Variants in PCDHGB1 observed in about 807,000 individuals in gnomAD.
PCDHGB1 encodes the protein protocadherin gamma-B1.
In PCDHGB1, 34 loss-of-function variants were observed where a neutral mutation model predicts 56.6. The ratio of observed to expected loss-of-function variants is 0.60; its 90% CI spans 0.46 to 0.80. The LOEUF is 0.80. PCDHGB1 is among the 30% of genes least tolerant of loss of function. The pLI is 0.00. For missense variants in PCDHGB1, 1,278 were observed against 1,204.6 expected, an observed-to-expected ratio of 1.06 and a Z score of -0.90; for synonymous variants, 561 against 505.9, an observed-to-expected ratio of 1.11 and a Z score of -1.46.
chr5:141,408,263 C>G, intron 1 of PCDHGB1: 1 of 1,606,854 alleles, frequency 6.2e-7, no homozygotes. Flanking sequence ...ATTTCCTTTG[C>G]TGCTGCCTTT....
intron 1 of PCDHGB1, chr5:141,403,870 T>A: frequency 6.2e-7 from 1 of 1,613,498 alleles, no homozygotes; most frequent in African/African-American, 1.3e-5. Flanking sequence ...CAGCAAAAAG[T>A]CTAGATTATG....
Position 141,432,979 on chromosome 5 carries a change from TGTGGGC to T in PCDHGB1, c.2410-61823_2410-61818del. 1 of 1,614,228 alleles carries T rather than the reference TGTGGGC, an allele frequency of 6.2e-7. No individual in the cohort carries two copies. On this transcript the variant is annotated intron_variant, in intron 1 of 3. Coordinates refer to ENST00000523390, the MANE Select transcript of PCDHGB1 (RefSeq NM_018922.3). The surrounding 1 kb of genome is among the most constrained non-coding windows in gnomAD (Gnocchi z 6.0). ...TGACAGGAGCGCCGGCGTCGCACTTTGTGGGCGTGGACGGGGTGCAGGCTTTCCTGC... is the reference window on the plus strand; with the variant it reads ...TGACAGGAGCGCCGGCGTCGCACTTTGTGGACGGGGTGCAGGCTTTCCTGC...
intron 1 of PCDHGB1, chr5:141,393,194 C>G (rs770162660): frequency 6.2e-7 from 1 of 1,613,362 alleles, no homozygotes. Flanking sequence ...TTGATATTAA[C>G]GATAATAACC....
chr5:141,406,253 C>CA (rs2094783585), intron 1 of PCDHGB1, among the ~76,000 whole-genome samples: 1 of 151,976 alleles, frequency 6.6e-6, no homozygotes, highest in Admixed American at 6.6e-5. Flanking sequence ...AGACTGGTCT[C>CA]AAACGATCTT....
chr5:141,400,254 G>C, intron 1 of PCDHGB1: 1 of 1,613,980 alleles, frequency 6.2e-7, no homozygotes. Flanking sequence ...CCGTTGCCTT[G>C]CGCCTGCGAC....
chr5:141,494,153 G>T (rs2099752286), intron 1 of PCDHGB1, among the ~76,000 whole-genome samples: 1 of 152,186 alleles, frequency 6.6e-6, no homozygotes, highest in Non-Finnish European at 1.5e-5. Flanking sequence ...CCATTGTCTG[G>T]CACGGAGTTC....
Position 141,476,752 on chromosome 5 carries a change from A to T in PCDHGB1, c.2410-18055A>T, listed in dbSNP as rs771355583. On this transcript the variant is annotated intron_variant, in intron 1 of 3. Coordinates refer to ENST00000523390, the MANE Select transcript of PCDHGB1 (RefSeq NM_018922.3). This position sits in a 1 kb window ranked among gnomAD's most constrained non-coding sequence, Gnocchi z 7.6. ...GAGAACGGGAGCCTAGTCTCCAGTTAGTGCTGACGGCGTTGGACGGAGGGA... is the reference window on the plus strand; with the variant it reads ...GAGAACGGGAGCCTAGTCTCCAGTTTGTGCTGACGGCGTTGGACGGAGGGA... 1.2e-6 allele frequency: 2 copies of T among 1,613,926 alleles called. No individual in the cohort carries two copies. Among genetic ancestry groups the T allele is most frequent in the South Asian group, 2.2e-5 (2 of 91,080 alleles).
chr5:141,463,359 T>C (rs2099057442), intron 1 of PCDHGB1, among the ~76,000 whole-genome samples: 2 of 151,672 alleles, frequency 1.3e-5, no homozygotes, highest in Admixed American at 6.6e-5. Flanking sequence ...GGATTTCCCC[T>C]TTCCTGCCCC....
In PCDHGB1 at chr5:141,476,575, C is replaced by A; in HGVS notation, c.2410-18232C>A. 6 of 1,614,232 alleles carry A rather than the reference C, an allele frequency of 3.7e-6. No homozygotes were observed. The highest frequency in any genetic ancestry group is 5.1e-6 in the Non-Finnish European group (6 of 1,180,042). The stretch of plus-strand genomic sequence containing the variant: ...GCGAGGCCGTGGCTCCGGGGACGCG[C>A]TTTCCGCTCGAGAGCGCGCACGATC... On this transcript the variant is annotated intron_variant, in intron 1 of 3. Transcript: ENST00000523390. This position sits in a 1 kb window ranked among gnomAD's most constrained non-coding sequence, Gnocchi z 7.6.
Position 141,351,075 on chromosome 5 carries a change from CAGAGAT to C in PCDHGB1, c.816_821del (p.Glu273_Ile274del), listed in dbSNP as rs1561499274. The C allele has an allele frequency of 7.4e-6, 12 of 1,614,032 alleles. No individual in the cohort carries two copies. The highest frequency in any genetic ancestry group is 9.3e-6 in the Non-Finnish European group (11 of 1,179,874). On this transcript the variant is annotated inframe_deletion, in exon 1 of 4. Coordinates refer to ENST00000523390, the MANE Select transcript of PCDHGB1 (RefSeq NM_018922.3). ...ACAGACCAGGATGAGGGCATTAATG[CAGAGAT>C]CACCTATGCCTTCCTCAATTCCCCA...
Position 141,490,202 on chromosome 5 carries a change from G to A in PCDHGB1, c.2410-4605G>A, listed in dbSNP as rs1594889134. On this transcript the variant is annotated intron_variant, in intron 1 of 3. Coordinates refer to ENST00000523390, the MANE Select transcript of PCDHGB1 (RefSeq NM_018922.3). The surrounding 1 kb of genome is among the most constrained non-coding windows in gnomAD (Gnocchi z 5.4). ...TCACGTTTCTATGAAATTCATGCAA[G>A]AGCCCGTGACCAGGGACAGCCTGCC... 1.2e-6 allele frequency: 2 copies of A among 1,614,220 alleles called. No homozygotes were observed. The highest frequency in any genetic ancestry group is 2.7e-5 in the African/African-American group (2 of 75,060).
At chr5:141,370,392 G>C (rs773955179) in intron 1 of PCDHGB1, 2 of 1,544,790 alleles carry the variant, frequency 1.3e-6, no homozygotes, top group Non-Finnish European at 1.7e-6. Flanking sequence ...CGCAGAGAGC[G>C]GGATGGGAAA....
chr5:141,390,388 G>C, intron 1 of PCDHGB1: 1 of 1,423,474 alleles, frequency 7.0e-7, no homozygotes, highest in Admixed American at 2.1e-5. Context: ...TAGATGTCAT[G>C]GATCATTTTA....
chr5:141,361,309 T>A (rs754447823), intron 1 of PCDHGB1: 4 of 1,613,964 alleles, frequency 2.5e-6, no homozygotes, highest in South Asian at 2.2e-5. Context: ...AAATGCCAAG[T>A]TTATTTTGAA....
intron 1 of PCDHGB1, among the ~76,000 whole-genome samples, chr5:141,357,979 C>G (rs554928624): frequency 2.0e-5 from 3 of 152,236 alleles, no homozygotes; most frequent in African/African-American, 7.2e-5. Flanking sequence ...TGCCTGAGCT[C>G]AGGAGTTCGA....
chr5:141,486,278 G>A lies in PCDHGB1; in HGVS notation c.2410-8529G>A. The A allele has an allele frequency of 1.2e-6, 2 of 1,614,088 alleles. No individual in the cohort carries two copies. Among genetic ancestry groups the A allele is most frequent in the South Asian group, 2.2e-5 (2 of 91,068 alleles). On this transcript the variant is annotated intron_variant, in intron 1 of 3. Transcript: ENST00000523390. This position sits in a 1 kb window ranked among gnomAD's most constrained non-coding sequence, Gnocchi z 5.0. The stretch of plus-strand genomic sequence containing the variant: ...CGAGAGTGCAGAACCTGGCACTGTG[G>A]TGGCACTTATCAGTGTGCAGGATCC...
chr5:141,404,829 TGC>T lies in PCDHGB1; in HGVS notation c.2409+52163_2409+52164del, dbSNP rs774802551. 6.2e-6 allele frequency: 10 copies of T among 1,608,020 alleles called. No individual in the cohort carries two copies. In the Admixed American group the frequency reaches 1.7e-4, roughly 27 times the overall value. On this transcript the variant is annotated intron_variant, in intron 1 of 3. Coordinates refer to ENST00000523390, the MANE Select transcript of PCDHGB1 (RefSeq NM_018922.3). ...TCGGTGGGGCTGCACACAGGTGAAGTGCGCACAGCTCGGGCCCTGCTAGATAG... is the reference window on the plus strand; with the variant it reads ...TCGGTGGGGCTGCACACAGGTGAAGTGCACAGCTCGGGCCCTGCTAGATAG...
At chr5:141,441,849 G>A (rs1192040398) in intron 1 of PCDHGB1, 2 of 345,448 alleles carry the variant, frequency 5.8e-6, no homozygotes, top group Non-Finnish European at 1.1e-5. Context: ...TCTTGGATAT[G>A]GTGCTGCACG....
chr5:141,477,295 G>A lies in PCDHGB1; in HGVS notation c.2410-17512G>A, dbSNP rs1207558247. On this transcript the variant is annotated intron_variant, in intron 1 of 3. Transcript: ENST00000523390. This position sits in a 1 kb window ranked among gnomAD's most constrained non-coding sequence, Gnocchi z 4.9. ...GGCTGGTGACCTGCGAAGTTCCACC[G>A]GGTCTCCCTTTCAGCCTTACTTCTT... is the stretch of plus-strand genomic sequence containing the variant. The A allele has an allele frequency of 8.1e-6, 13 of 1,613,990 alleles. No homozygotes were observed. Among genetic ancestry groups the A allele is most frequent in the Admixed American group, 3.3e-5 (2 of 59,990 alleles).
Sources: allele counts gnomAD v4.1 joint callset (sites outside exome capture counted in the v4.1 genomes callset), GRCh38; gene constraint gnomAD v4.1.1; non-coding constraint Gnocchi (gnomAD v3.1); transcripts MANE v1.5; gene names NCBI Gene and HGNC (gene_info 2026-07-23, HGNC 2026-07-21).